The following STT3B variants were observed in gnomAD, a reference collection of about 807,000 sequenced individuals.
STT3B encodes the protein dolichyl-diphosphooligosaccharide--protein glycosyltransferase subunit STT3B.
In STT3B, 29 loss-of-function variants were observed where a neutral mutation model predicts 96.8. That is an observed-to-expected ratio of 0.30 (90% CI 0.22 to 0.41). STT3B has a LOEUF of 0.41. Ranked by LOEUF, STT3B falls within the 10% of genes least tolerant of loss-of-function variation. The pLI, the probability that STT3B is intolerant of heterozygous loss-of-function variation, is 1.00. For missense variants in STT3B, 640 were observed against 1,022.3 expected (o/e 0.63, Z 5.10); for synonymous variants, 367 against 360.0 (o/e 1.02, Z -0.22).
chr3:31,603,145 T>C (rs10460994), intron 5 of STT3B, among the ~76,000 whole-genome samples: 6,655 of 152,222 alleles, frequency 0.044, 378 homozygotes, highest in East Asian at 0.32. Flanking sequence ...CTCATAATTA[T>C]ATTAACTAAA....
intron 1 of STT3B, among the ~76,000 whole-genome samples, chr3:31,559,984 A>T (rs936408943): frequency 6.6e-6 from 1 of 152,088 alleles, no homozygotes; most frequent in Non-Finnish European, 1.5e-5. Flanking sequence ...AGCCTGCTTT[A>T]TCTAAGTGTA....
intron 1 of STT3B, among the ~76,000 whole-genome samples, chr3:31,533,849 T>TGCTCA (rs1298758947): frequency 6.6e-6 from 1 of 152,250 alleles, no homozygotes; most frequent in African/African-American, 2.4e-5. Flanking sequence ...GAACCCCGGC[T>TGCTCA]GCTCACCCTT....
chr3:31,577,645 C>G (rs909424641), intron 2 of STT3B, among the ~76,000 whole-genome samples: 3 of 152,176 alleles, frequency 2.0e-5, no homozygotes, highest in Non-Finnish European at 4.4e-5. Flanking sequence ...AACATGTTCT[C>G]CATGATAGTA....
chr3:31,579,872 A>T lies in STT3B; in HGVS notation c.487A>T (p.Thr163Ser). 6.2e-7 allele frequency: 1 copy of T among 1,613,066 alleles called. No homozygotes were observed. The highest frequency in any genetic ancestry group is 8.5e-7 in the Non-Finnish European group (1 of 1,179,070). ...TTGGATTTTAAATACATTGAACATA[A>T]CTGTTCACATAAGAGACGTATGTGT... ...IHWILNTLNI[T>S]VHIRDVCVFL... The change falls in exon 3 of 16, where the codon ACT (threonine) becomes TCT (serine). Residue 163 changes from threonine to serine, a missense_variant. Thr to Ser is a moderately conservative substitution (Grantham distance 58, BLOSUM62 1). Transcript: ENST00000295770.
At chr3:31,631,871 C>A (rs182498410) in intron 14 of STT3B, among the ~76,000 whole-genome samples, 49 of 150,532 alleles carry the variant, frequency 3.3e-4, no homozygotes, top group South Asian at 4.2e-4. Context: ...TTTTTTTTTC[C>A]CCGAGACAGG....
chr3:31,554,521 A>C (rs1268186347), intron 1 of STT3B, among the ~76,000 whole-genome samples: 1 of 151,530 alleles, frequency 6.6e-6, no homozygotes, highest in Non-Finnish European at 1.5e-5. Context: ...GTGTGTAGAT[A>C]GTCTGAATTT....
intron 14 of STT3B, among the ~76,000 whole-genome samples, chr3:31,632,132 A>T (rs1699675722): frequency 6.6e-6 from 1 of 151,996 alleles, no homozygotes. Flanking sequence ...CTGGGATTAT[A>T]GGTGTGAGCC....
chr3:31,628,501 A>G (rs1451742760), intron 13 of STT3B, among the ~76,000 whole-genome samples: 1 of 152,118 alleles, frequency 6.6e-6, no homozygotes, highest in Non-Finnish European at 1.5e-5. Context: ...TTCTGCATTC[A>G]TTATTTTGGC....
intron 1 of STT3B, among the ~76,000 whole-genome samples, chr3:31,550,658 C>T (rs973609208): frequency 6.6e-6 from 1 of 152,316 alleles, no homozygotes; most frequent in South Asian, 2.1e-4. Context: ...TCATATTAGG[C>T]TTGAGCATAA....
In STT3B at chr3:31,633,054, A is replaced by T; in HGVS notation, c.2307A>T (p.Ile769=). 1 of 1,614,154 alleles carries T rather than the reference A, an allele frequency of 6.2e-7. No individual in the cohort carries two copies. Among genetic ancestry groups the T allele is most frequent in the Non-Finnish European group, 8.5e-7 (1 of 1,179,994 alleles). The change falls in exon 15 of 16, where the codon ATA becomes ATT. Residue 769 remains isoleucine (I), a synonymous_variant. Coordinates refer to ENST00000295770, the MANE Select transcript of STT3B (RefSeq NM_178862.3). ...AFTSEHWLVR[I]YKVKAPDNRE... Reference sequence around the variant, plus strand: ...CATCAGAACACTGGCTTGTTAGGATATATAAAGTAAAAGCACCTGATAACA... The same window carrying T: ...CATCAGAACACTGGCTTGTTAGGATTTATAAAGTAAAAGCACCTGATAACA...
intron 14 of STT3B, among the ~76,000 whole-genome samples, chr3:31,631,349 G>A (rs1699660883): frequency 6.6e-6 from 1 of 152,108 alleles, no homozygotes; most frequent in Non-Finnish European, 1.5e-5. Flanking sequence ...GTCTTTAAAC[G>A]CTTGCTAAGA....
chr3:31,558,651 T>C (rs1270339678), intron 1 of STT3B, among the ~76,000 whole-genome samples: 13 of 152,200 alleles, frequency 8.5e-5, no homozygotes, highest in Admixed American at 8.5e-4. Context: ...TATCCTTGTC[T>C]AGTTTTGGTA....
chr3:31,597,191 G>A (rs1001236503), intron 4 of STT3B, among the ~76,000 whole-genome samples: 2 of 151,882 alleles, frequency 1.3e-5, no homozygotes, highest in African/African-American at 4.8e-5. Flanking sequence ...ACGGAGTTTT[G>A]CCCTGTTGCC....
chr3:31,596,914 T>G (rs753988195), intron 4 of STT3B, 51 bp downstream of exon 4: 2 of 1,322,420 alleles, frequency 1.5e-6, no homozygotes, highest in South Asian at 2.5e-5. Context: ...CTCTGGAGGT[T>G]AAAACAGTTC....
intron 1 of STT3B, among the ~76,000 whole-genome samples, chr3:31,548,713 C>T (rs904095887): frequency 2.0e-5 from 3 of 152,038 alleles, no homozygotes; most frequent in Non-Finnish European, 2.9e-5. Context: ...ATTTTCTGTT[C>T]GGAAAGGGGG....
At position 31,636,097 on chromosome 3, in the gene STT3B, T is replaced by C; in HGVS notation, c.*33T>C. The C allele has an allele frequency of 6.5e-7, 1 of 1,528,140 alleles. No homozygotes were observed. The highest frequency in any genetic ancestry group is 8.9e-7 in the Non-Finnish European group (1 of 1,122,774). 94.7% of individuals were successfully genotyped at this position (1,528,140 alleles called of 1,614,324 possible). A position where few individuals can be genotyped will look rare whatever the true frequency, so the allele number is the denominator to read the frequency against. On this transcript the variant is annotated 3_prime_UTR_variant, in exon 16 of 16. Transcript: ENST00000295770. ...GTTCTGGTTCCTAACTTGAAGCAGT[T>C]GTCCTTGTGAGAACCGGTCTTTGCC... is the stretch of plus-strand genomic sequence containing the variant.
chr3:31,546,464 AAG>A (rs1459183090), intron 1 of STT3B, among the ~76,000 whole-genome samples: 2 of 152,194 alleles, frequency 1.3e-5, no homozygotes, highest in African/African-American at 4.8e-5. Flanking sequence ...GGTTCTGAGA[AAG>A]AACATTTCAA....
At chr3:31,571,283 A>T (rs1252671721) in intron 1 of STT3B, among the ~76,000 whole-genome samples, 10 of 143,618 alleles carry the variant, frequency 7.0e-5, no homozygotes, top group African/African-American at 1.0e-4. Flanking sequence ...AGCCTCATGC[A>T]TTTTTTTTTT....
Position 31,559,146 on chromosome 3 carries a change from G to GGTGTGTGT in STT3B, c.315-17213_315-17206dup, listed in dbSNP as rs55707310. Among the ~76,000 whole-genome samples the GGTGTGTGT allele has an allele frequency of 4.3e-3, 500 of 116,492 alleles. 1 individual carries two copies. The highest frequency in any genetic ancestry group is 7.4e-3 in the African/African-American group (230 of 31,144). The allele number at this position is 116,492 out of a possible 152,430, so 76.4% of individuals were successfully genotyped here. On this transcript the variant is annotated intron_variant, in intron 1 of 15. Transcript: ENST00000295770. ...TTGTTTTTGTTTCATTGATTCTTGG[G>GGTGTGTGT]GTGTGTGTGTGTGTGTGTGTGTGTG...
Sources: allele counts gnomAD v4.1 joint callset (sites outside exome capture counted in the v4.1 genomes callset), GRCh38; gene constraint gnomAD v4.1.1; transcripts MANE v1.5; gene names NCBI Gene and HGNC (gene_info 2026-07-23, HGNC 2026-07-21).